GRIA2: variants seen among roughly 807,000 people sequenced by gnomAD.
GRIA2 encodes the protein glutamate receptor 2.
Under a neutral mutation model 97.3 loss-of-function variants are expected in GRIA2, and 14 were observed. The ratio of observed to expected loss-of-function variants is 0.14; its 90% CI spans 0.10 to 0.23. GRIA2 has a LOEUF of 0.23. Ranked by LOEUF, GRIA2 falls within the 10% of genes least tolerant of loss-of-function variation. The probability of loss-of-function intolerance (pLI) is 1.00; values close to 1 mark genes in which losing one functional copy is unlikely to be tolerated. For synonymous variants in GRIA2, 412 were observed against 387.8 expected, an observed-to-expected ratio of 1.06 and a Z score of -0.73; for missense variants, 558 against 1,069.8, an observed-to-expected ratio of 0.52 and a Z score of 6.67.
chr4:157,360,632 T>C, intron 13 of GRIA2: 1 of 449,984 alleles, frequency 2.2e-6, no homozygotes, highest in Non-Finnish European at 4.3e-6. Flanking sequence ...AAATGCACTT[T>C]GAATTTCTTT....
chr4:157,317,257 A>G (rs1734364590), intron 4 of GRIA2, among the ~76,000 whole-genome samples: 1 of 152,224 alleles, frequency 6.6e-6, no homozygotes, highest in Non-Finnish European at 1.5e-5. Context: ...CTCAGATGTT[A>G]AACAGTTTGA....
chr4:157,325,769 C>T (rs930706547), intron 6 of GRIA2, among the ~76,000 whole-genome samples: 24 of 152,122 alleles, frequency 1.6e-4, no homozygotes, highest in African/African-American at 5.3e-4. Flanking sequence ...AATCAGAAAA[C>T]CCCATTAGCA....
At chr4:157,315,819 G>A (rs577102253) in intron 4 of GRIA2, among the ~76,000 whole-genome samples, 3 of 152,246 alleles carry the variant, frequency 2.0e-5, no homozygotes, top group East Asian at 1.9e-4. Context: ...GATTACAGGC[G>A]TGGACTATGG....
At chr4:157,264,906 CAT>C (rs981014101) in intron 2 of GRIA2, among the ~76,000 whole-genome samples, 27 of 152,070 alleles carry the variant, frequency 1.8e-4, no homozygotes, top group South Asian at 1.2e-3. Flanking sequence ...CCCACACACA[CAT>C]GTACTATAAT....
At chr4:157,341,181 C>G in intron 11 of GRIA2, 83 bp from the exon 12 acceptor site, 1 of 855,680 alleles carries the variant, frequency 1.2e-6, no homozygotes, top group Non-Finnish European at 2.0e-6. Context: ...CCCTATAAGT[C>G]AATATTTGCA....
chr4:157,346,898 T>C (rs1347522908), intron 12 of GRIA2, among the ~76,000 whole-genome samples: 1 of 152,098 alleles, frequency 6.6e-6, no homozygotes, highest in African/African-American at 2.4e-5. Flanking sequence ...TCTCTGACAT[T>C]TTAATTTTTT....
At chr4:157,225,719 G>C (rs190715174) in intron 2 of GRIA2, among the ~76,000 whole-genome samples, 2 of 151,102 alleles carry the variant, frequency 1.3e-5, no homozygotes, top group Admixed American at 1.3e-4. Context: ...GGTAGCTGTG[G>C]TCTTGTCTAG....
rs1294146084 is a variant in GRIA2, at chr4:157,362,897, C to A, written c.2505C>A (p.Phe835Leu). 6.2e-7 allele frequency: 1 copy of A among 1,613,542 alleles called. No individual in the cohort carries two copies. The highest frequency in any genetic ancestry group is 1.1e-5 in the South Asian group (1 of 91,076). Reference sequence around the variant, plus strand: ...CAATGCTGGTGGCTTTGATTGAGTTCTGTTACAAGTCAAGGGCCGAGGCGA... The same window carrying A: ...CAATGCTGGTGGCTTTGATTGAGTTATGTTACAAGTCAAGGGCCGAGGCGA... The part of the protein sequence containing the change: ...GLAMLVALIE[F>L]CYKSRAEAKR... Residue 835 changes from phenylalanine (F) to leucine (L), a missense_variant, in exon 15 of 16, where the codon TTC becomes TTA. Transcript: ENST00000264426.
chr4:157,232,781 C>T (rs1279531314), intron 2 of GRIA2, among the ~76,000 whole-genome samples: 1 of 152,028 alleles, frequency 6.6e-6, no homozygotes, highest in Non-Finnish European at 1.5e-5. Context: ...AAAATTGATT[C>T]GTTGTAGTTT....
At chr4:157,336,894 G>T in intron 11 of GRIA2, 147 bp downstream of exon 11, 1 of 697,916 alleles carries the variant, frequency 1.4e-6, no homozygotes, top group Non-Finnish European at 2.5e-6. Flanking sequence ...TCTTAGCTTC[G>T]GCATAAGTCT....
At chr4:157,299,333 G>A (rs1733510272) in intron 2 of GRIA2, among the ~76,000 whole-genome samples, 1 of 152,044 alleles carries the variant, frequency 6.6e-6, no homozygotes, top group Non-Finnish European at 1.5e-5. Flanking sequence ...GCTTTCAGTG[G>A]TTTCCATATT....
At chr4:157,273,955 A>G (rs1189176825) in intron 2 of GRIA2, among the ~76,000 whole-genome samples, 1 of 152,114 alleles carries the variant, frequency 6.6e-6, no homozygotes, top group Non-Finnish European at 1.5e-5. Flanking sequence ...TAAGTAAAAG[A>G]TATGTAAATA....
chr4:157,255,368 C>T (rs567591413), intron 2 of GRIA2, among the ~76,000 whole-genome samples: 11 of 151,976 alleles, frequency 7.2e-5, no homozygotes, highest in South Asian at 2.1e-4. Flanking sequence ...GATAAAAATA[C>T]GAGGGCAGGT....
intron 2 of GRIA2, among the ~76,000 whole-genome samples, chr4:157,275,158 A>G (rs1352571762): frequency 2.6e-5 from 4 of 152,102 alleles, no homozygotes; most frequent in Non-Finnish European, 5.9e-5. Context: ...TGCCTGCATA[A>G]ATGTCTTCTT....
chr4:157,268,843 A>C (rs1731887440), intron 2 of GRIA2, among the ~76,000 whole-genome samples: 2 of 152,182 alleles, frequency 1.3e-5, no homozygotes, highest in South Asian at 4.1e-4. Context: ...AAAGAATTTA[A>C]AAACCAAGAA....
At chr4:157,242,505 A>G (rs1730553135) in intron 2 of GRIA2, among the ~76,000 whole-genome samples, 2 of 152,068 alleles carry the variant, frequency 1.3e-5, no homozygotes, top group South Asian at 4.1e-4. Context: ...ATTGAGGCAG[A>G]TTGATTTTAT....
intron 2 of GRIA2, among the ~76,000 whole-genome samples, chr4:157,234,629 C>T (rs1031614620): frequency 5.9e-5 from 9 of 152,072 alleles, no homozygotes; most frequent in Admixed American, 3.3e-4. Context: ...GTGTTTCTCA[C>T]GAATAGGACC....
At chr4:157,278,308 G>T (rs1732440265) in intron 2 of GRIA2, among the ~76,000 whole-genome samples, 1 of 151,736 alleles carries the variant, frequency 6.6e-6, no homozygotes, top group South Asian at 2.1e-4. Flanking sequence ...AGAGAGCCCA[G>T]CAATAGACTC....
At chr4:157,282,895 A>C (rs1560746043) in intron 2 of GRIA2, among the ~76,000 whole-genome samples, 1 of 152,082 alleles carries the variant, frequency 6.6e-6, no homozygotes, top group African/African-American at 2.4e-5. Context: ...ATAATGAAAC[A>C]AACTGGGTCA....
Sources: allele counts gnomAD v4.1 joint callset (sites outside exome capture counted in the v4.1 genomes callset), GRCh38; gene constraint gnomAD v4.1.1; transcripts MANE v1.5; gene names NCBI Gene and HGNC (gene_info 2026-07-23, HGNC 2026-07-21).